Variants in PDE4B observed in about 807,000 individuals in gnomAD.
The protein encoded by PDE4B is 3',5'-cyclic-AMP phosphodiesterase 4B.
A neutral mutation model predicts 82.2 loss-of-function variants in PDE4B; 20 were observed. The observed-to-expected ratio is 0.24, with a 90% CI of 0.17 to 0.35. PDE4B has a LOEUF of 0.35. Among genes scored for constraint, PDE4B ranks in the 10% least tolerant of loss-of-function variants. PDE4B has a pLI of 1.00. For synonymous variants in PDE4B, 320 were observed against 318.9 expected (o/e 1.00, Z -0.04); for missense variants, 655 against 907.2 (o/e 0.72, Z 3.57).
chr1:65,942,276 C>CTAT (rs1648488071), intron 3 of PDE4B, among the ~76,000 whole-genome samples: 1 of 151,952 alleles, frequency 6.6e-6, no homozygotes. Flanking sequence ...GATCATGTGG[C>CTAT]ATTTGTCTTT....
chr1:65,870,372 C>A (rs958212822), intron 1 of PDE4B, among the ~76,000 whole-genome samples: 10 of 152,148 alleles, frequency 6.6e-5, no homozygotes, highest in African/African-American at 2.4e-4. Context: ...TTAATCCCCC[C>A]TTTGCTTCCT....
intron 3 of PDE4B, among the ~76,000 whole-genome samples, chr1:66,122,703 CTTTTTTTTT>C (rs3036785): frequency 1.8e-5 from 2 of 111,960 alleles, no homozygotes; most frequent in Non-Finnish European, 3.5e-5. Context: ...CTCTTCTTTT[CTTTTTTTTT>C]TTTTTTTTTT....
chr1:65,943,711 T>G (rs1232373837), intron 3 of PDE4B, among the ~76,000 whole-genome samples: 3 of 152,022 alleles, frequency 2.0e-5, no homozygotes, highest in Non-Finnish European at 4.4e-5. Context: ...GTCTTTCACC[T>G]CCTTGGTTAA....
chr1:66,042,456 A>G (rs1319504878), intron 3 of PDE4B: 3 of 151,910 alleles, frequency 2.0e-5, no homozygotes, highest in African/African-American at 7.2e-5. Flanking sequence ...CAACTGCATT[A>G]TACAACATAC....
chr1:66,301,129 A>G (rs569134470), intron 7 of PDE4B, among the ~76,000 whole-genome samples: 2 of 152,162 alleles, frequency 1.3e-5, no homozygotes, highest in South Asian at 4.1e-4. Flanking sequence ...TACAGCTATG[A>G]GTATATTCCA....
intron 7 of PDE4B, among the ~76,000 whole-genome samples, chr1:66,327,759 T>C (rs906622374): frequency 6.6e-6 from 1 of 152,192 alleles, no homozygotes; most frequent in African/African-American, 2.4e-5. Context: ...CCCTGTGCAT[T>C]AGGTAGATCA....
chr1:66,022,462 T>C (rs1653184557), intron 3 of PDE4B, among the ~76,000 whole-genome samples: 1 of 152,218 alleles, frequency 6.6e-6, no homozygotes, highest in South Asian at 2.1e-4. Context: ...ATGGCTTTTA[T>C]TATTTTGAGA....
chr1:66,166,748 A>G (rs904733778), intron 3 of PDE4B, among the ~76,000 whole-genome samples: 96 of 152,166 alleles, frequency 6.3e-4, no homozygotes, highest in African/African-American at 2.2e-3. Flanking sequence ...AAAAAAAAAA[A>G]AAAGTGAAAG....
At chr1:65,958,853 A>G (rs1323800266) in intron 3 of PDE4B, among the ~76,000 whole-genome samples, 1 of 152,154 alleles carries the variant, frequency 6.6e-6, no homozygotes, top group Non-Finnish European at 1.5e-5. Context: ...AGTAATCTGC[A>G]GTTTTGTATC....
chr1:66,224,386 C>T (rs1381367189), intron 3 of PDE4B, among the ~76,000 whole-genome samples: 3 of 152,072 alleles, frequency 2.0e-5, no homozygotes, highest in African/African-American at 7.2e-5. Context: ...TCTTGCCTAC[C>T]CAGAATTGGC....
In PDE4B at chr1:66,365,750, G is replaced by A; in HGVS notation, c.1368G>A (p.Gln456=). The change falls in exon 13 of 17, where the codon CAG becomes CAA. Residue 456 remains glutamine, a synonymous_variant. Coordinates refer to ENST00000341517, the MANE Select transcript of PDE4B (RefSeq NM_002600.4). ...TTGATCATCCTGGAGTCTCCAATCA[G>A]TTTCTCATCAACACAAGTGAGTTCA... ...HDVDHPGVSN[Q]FLINTNSELA... The A allele has an allele frequency of 6.3e-7, 1 of 1,594,780 alleles. No homozygotes were observed. The highest frequency in any genetic ancestry group is 2.3e-5 in the East Asian group (1 of 44,404).
chr1:66,362,624 C>T (rs903383700), intron 10 of PDE4B, among the ~76,000 whole-genome samples: 4 of 152,146 alleles, frequency 2.6e-5, no homozygotes, highest in Non-Finnish European at 4.4e-5. Context: ...CTTCCAGGTC[C>T]GTCTGTGGCC....
intron 7 of PDE4B, among the ~76,000 whole-genome samples, chr1:66,310,622 A>G (rs554596010): frequency 2.3e-4 from 35 of 152,308 alleles, no homozygotes; most frequent in Non-Finnish European, 3.8e-4. Flanking sequence ...TGTGCTGCAC[A>G]TGTCCTACTT....
chr1:66,297,896 C>A (rs747454575), intron 7 of PDE4B, among the ~76,000 whole-genome samples: 1 of 152,100 alleles, frequency 6.6e-6, no homozygotes, highest in Non-Finnish European at 1.5e-5. Flanking sequence ...ATTATTCATT[C>A]ATTAGTCCAT....
rs558961508 is a variant in PDE4B at position 65,872,401 on chromosome 1, C to T, written c.-70-40844C>T. 1.3e-4 allele frequency among the ~76,000 whole-genome samples: 20 copies of T among 152,012 alleles called. No homozygotes were observed. In the South Asian group the frequency reaches 2.5e-3, roughly 19 times the overall value. On this transcript the variant is annotated intron_variant, in intron 1 of 16. Transcript: ENST00000341517. ...CTTAAAATTATGAGTAGATACTTCT[C>T]GGTAGGGTCCATGTTTCAGTTGACA... is the stretch of plus-strand genomic sequence containing the variant.
At chr1:65,902,503 C>T (rs1183697977) in intron 1 of PDE4B, among the ~76,000 whole-genome samples, 1 of 152,098 alleles carries the variant, frequency 6.6e-6, no homozygotes, top group Non-Finnish European at 1.5e-5. Flanking sequence ...TTGATGAAGC[C>T]TTCCCTGGTC....
At chr1:66,021,667 C>T (rs1010424321) in intron 3 of PDE4B, among the ~76,000 whole-genome samples, 3 of 152,130 alleles carry the variant, frequency 2.0e-5, no homozygotes, top group Non-Finnish European at 4.4e-5. Flanking sequence ...TTCCATTGAT[C>T]TATATCTCTG....
chr1:66,100,879 C>T (rs552187025), intron 3 of PDE4B, among the ~76,000 whole-genome samples: 6 of 152,002 alleles, frequency 3.9e-5, no homozygotes, highest in East Asian at 1.9e-4. Context: ...ATGTGCACAA[C>T]GTGCAGGTTT....
At chr1:65,873,613 A>G (rs559579501) in intron 1 of PDE4B, among the ~76,000 whole-genome samples, 7 of 152,230 alleles carry the variant, frequency 4.6e-5, no homozygotes, top group Non-Finnish European at 1.0e-4. Flanking sequence ...TGAAATATAA[A>G]AAAGACATTT....
Sources: gnomAD v4.1 joint callset for allele counts (sites outside exome capture counted in the v4.1 genomes callset) on GRCh38, gnomAD v4.1.1 for gene constraint, MANE v1.5 for transcripts, NCBI Gene and HGNC (gene_info 2026-07-23, HGNC 2026-07-21) for gene names.